The following ADK variants were observed in gnomAD, a reference collection of about 807,000 sequenced individuals.
The protein encoded by ADK is adenosine kinase.
ADK carries 24 observed loss-of-function variants against 44.7 expected under a neutral mutation model. The observed-to-expected ratio is 0.54, with a 90% CI of 0.39 to 0.76. The LOEUF (loss-of-function observed/expected upper bound fraction) is 0.76, where lower values mean the gene tolerates loss of function less well. ADK is among the 30% of genes least tolerant of loss of function. The pLI, the probability that ADK is intolerant of heterozygous loss-of-function variation, is 0.00. For synonymous variants in ADK, 128 were observed against 142.6 expected (o/e 0.90, Z 0.73); for missense variants, 321 against 425.1 (o/e 0.76, Z 2.15).
At chr10:74,676,835 GA>G (rs1231608926) in intron 10 of ADK, among the ~76,000 whole-genome samples, 2 of 152,142 alleles carry the variant, frequency 1.3e-5, no homozygotes, top group Non-Finnish European at 2.9e-5. Flanking sequence ...CTTCAGCAGA[GA>G]AAATGTATTA....
intron 7 of ADK, among the ~76,000 whole-genome samples, chr10:74,554,536 G>A (rs986124312): frequency 5.3e-5 from 8 of 152,012 alleles, no homozygotes; most frequent in African/African-American, 1.9e-4. Flanking sequence ...AATGTGCCAG[G>A]ACAAAATTAA....
At chr10:74,303,970 CAA>C (rs72256519) in intron 3 of ADK, among the ~76,000 whole-genome samples, 111 of 140,882 alleles carry the variant, frequency 7.9e-4, no homozygotes, top group Non-Finnish European at 8.6e-4. Context: ...ACTCTTGTCT[CAA>C]AAAAAAAAAA....
In ADK at chr10:74,352,001, G is replaced by A. The variant is rs998674448; in HGVS notation, c.273+37256G>A. Reference sequence around the variant, plus strand: ...AAATGGCCATATTGCCCAAAATAATGTATAGATCCAATGCTATTCCCATCA... The same window carrying A: ...AAATGGCCATATTGCCCAAAATAATATATAGATCCAATGCTATTCCCATCA... On this transcript the variant is annotated intron_variant, in intron 4 of 10. Transcript: ENST00000539909. Among the ~76,000 whole-genome samples the A allele has an allele frequency of 2.6e-5, 4 of 151,672 alleles. No individual in the cohort carries two copies. In the East Asian group the frequency reaches 7.7e-4, roughly 29 times the overall value.
chr10:74,589,188 G>T, intron 7 of ADK, 94 bp from the exon 8 acceptor site: 2 of 1,117,624 alleles, frequency 1.8e-6, no homozygotes, highest in South Asian at 1.3e-5. Context: ...AGATAATTGT[G>T]TAAAGAAGAA....
Position 74,266,296 on chromosome 10 carries a change from C to T in ADK, c.194+41705C>T, listed in dbSNP as rs961507199. Among the ~76,000 whole-genome samples the T allele has an allele frequency of 6.6e-5, 10 of 152,238 alleles. No individual in the cohort carries two copies. The East Asian group carries it at 7.7e-4, about 12-fold the overall frequency. ...AAAGGCGGCCGGGCACAGTGGCTCA[C>T]GCCTGTAATCTCAGCACCTTGGGAG... On this transcript the variant is annotated intron_variant, in intron 3 of 10. Coordinates refer to ENST00000539909, the MANE Select transcript of ADK (RefSeq NM_006721.4).
At chr10:74,223,824 C>A (rs1019114516) in intron 2 of ADK, among the ~76,000 whole-genome samples, 1 of 152,130 alleles carries the variant, frequency 6.6e-6, no homozygotes, top group Non-Finnish European at 1.5e-5. Flanking sequence ...TACGGTGACT[C>A]ATGCCAGTAA....
intron 6 of ADK, among the ~76,000 whole-genome samples, chr10:74,501,153 G>T (rs931874006): frequency 6.6e-6 from 1 of 152,088 alleles, no homozygotes; most frequent in African/African-American, 2.4e-5. Flanking sequence ...TTGCATTTTT[G>T]CCATTTTTAA....
intron 7 of ADK, chr10:74,527,699 C>T: frequency 7.9e-6 from 10 of 1,258,258 alleles, no homozygotes; most frequent in Non-Finnish European, 1.2e-5. Flanking sequence ...TCTCTTATTT[C>T]TGCATTGTCC....
At chr10:74,661,316 C>A in intron 9 of ADK, 1 of 967,502 alleles carries the variant, frequency 1.0e-6, no homozygotes, top group Non-Finnish European at 1.2e-6. Context: ...ACTTGAATGA[C>A]AACTTTGGGA....
chr10:74,352,581 A>G (rs1722779774), intron 4 of ADK, among the ~76,000 whole-genome samples: 1 of 152,200 alleles, frequency 6.6e-6, no homozygotes, highest in African/African-American at 2.4e-5. Context: ...AATGGGATCT[A>G]ATTAAACTAA....
At chr10:74,669,496 C>G (rs961485691) in intron 9 of ADK, among the ~76,000 whole-genome samples, 4 of 152,214 alleles carry the variant, frequency 2.6e-5, no homozygotes, top group Non-Finnish European at 4.4e-5. Context: ...CTGGTCCAGA[C>G]TACTCTAGGG....
At chr10:74,703,831 T>A in intron 10 of ADK, among the ~76,000 whole-genome samples, 1 of 152,182 alleles carries the variant, frequency 6.6e-6, no homozygotes, top group Non-Finnish European at 1.5e-5. Flanking sequence ...TAAATGTAAC[T>A]TCCTCTCAAA....
At chr10:74,541,145 G>A (rs1456153088) in intron 7 of ADK, among the ~76,000 whole-genome samples, 1 of 152,060 alleles carries the variant, frequency 6.6e-6, no homozygotes, top group Non-Finnish European at 1.5e-5. Context: ...CTCCTGAGTA[G>A]CTGGGGTTAC....
chr10:74,161,033 T>C (rs543503927), intron 1 of ADK, among the ~76,000 whole-genome samples: 1 of 152,346 alleles, frequency 6.6e-6, no homozygotes, highest in African/African-American at 2.4e-5. Context: ...GGTTTCTCCT[T>C]TGACTGTTTG....
intron 7 of ADK, among the ~76,000 whole-genome samples, chr10:74,557,307 C>T (rs1167900005): frequency 6.6e-6 from 1 of 152,078 alleles, no homozygotes; most frequent in African/African-American, 2.4e-5. Context: ...TTTATCTACC[C>T]TTTCATCTCA....
intron 7 of ADK, among the ~76,000 whole-genome samples, chr10:74,581,075 C>T (rs189679122): frequency 1.9e-3 from 293 of 150,486 alleles, no homozygotes; most frequent in African/African-American, 6.4e-3. Context: ...ACCATTCATG[C>T]GAAGAAGCAG....
intron 4 of ADK, among the ~76,000 whole-genome samples, chr10:74,359,326 AG>A (rs1842249037): frequency 6.6e-6 from 1 of 152,034 alleles, no homozygotes; most frequent in Admixed American, 6.6e-5. Flanking sequence ...TATGAATTTT[AG>A]GATTTGTTTT....
chr10:74,515,093 G>A (rs773671591), intron 6 of ADK, among the ~76,000 whole-genome samples: 2 of 152,150 alleles, frequency 1.3e-5, no homozygotes, highest in East Asian at 1.9e-4. Flanking sequence ...TATGCATCTG[G>A]TGGAAAAGTC....
intron 7 of ADK, among the ~76,000 whole-genome samples, chr10:74,565,890 A>G (rs1850650259): frequency 6.6e-6 from 1 of 152,222 alleles, no homozygotes; most frequent in African/African-American, 2.4e-5. Flanking sequence ...GTTGTATAAT[A>G]AAGACAAAAT....
Sources: gnomAD v4.1 joint callset for allele counts (sites outside exome capture counted in the v4.1 genomes callset) on GRCh38, gnomAD v4.1.1 for gene constraint, MANE v1.5 for transcripts, NCBI Gene and HGNC (gene_info 2026-07-23, HGNC 2026-07-21) for gene names.